The following SAP130 variants were observed in gnomAD, a reference collection of about 807,000 sequenced individuals.
SAP130 encodes the protein Sin3A associated protein 130, also known as histone deacetylase complex subunit SAP130.
In SAP130, 16 loss-of-function variants were observed where a neutral mutation model predicts 103.2. That is an observed-to-expected ratio of 0.16 (90% confidence interval 0.10 to 0.24). SAP130 has a LOEUF of 0.24. Ranked by LOEUF, SAP130 falls within the 10% of genes least tolerant of loss-of-function variation. The pLI, the probability that SAP130 is intolerant of heterozygous loss-of-function variation, is 1.00. For missense variants in SAP130, 990 were observed against 1,359.7 expected (o/e 0.73, Z 4.28); for synonymous variants, 477 against 497.0 (o/e 0.96, Z 0.53).
rs2461435 is a variant in SAP130 at position 127,953,819 on chromosome 2, G to C, written c.2422+1167C>G. Among the ~76,000 whole-genome samples, 1 of 152,060 alleles carries C rather than the reference G, an allele frequency of 6.6e-6. No individual in the cohort carries two copies. The highest frequency in any genetic ancestry group is 6.5e-5 in the Admixed American group (1 of 15,268). On this transcript the variant is annotated intron_variant, in intron 16 of 20. Transcript: ENST00000643581. The surrounding 1 kb of genome is among the most constrained non-coding windows in gnomAD (Gnocchi z 4.0). ...TACACACATTCCAGCCCTGGCTACA[G>C]CTTTCCTTATATTTTGTCCCTGCTT...
chr2:127,987,048 T>C, intron 13 of SAP130, 86 bp from the exon 14 acceptor site: 1 of 1,145,456 alleles, frequency 8.7e-7, no homozygotes, highest in Non-Finnish European at 1.3e-6. Context: ...ATGAGACCAC[T>C]AGAATTAGGT....
chr2:128,027,176 G>C (rs1216580910), intron 1 of SAP130: 2 of 1,252,998 alleles, frequency 1.6e-6, no homozygotes, highest in East Asian at 6.3e-5. Context: ...CGGCGGCGGC[G>C]ATGTGCTCGG....
chr2:127,998,135 C>A (rs1401139262), intron 10 of SAP130, among the ~76,000 whole-genome samples: 1 of 151,096 alleles, frequency 6.6e-6, no homozygotes, highest in Non-Finnish European at 1.5e-5. Flanking sequence ...AAAAACCATA[C>A]ATTCTCAATA....
chr2:127,999,721 G>A lies in SAP130; in HGVS notation c.1213+20C>T, dbSNP rs773366668. 45 of 1,443,580 alleles carry A rather than the reference G, an allele frequency of 3.1e-5. No individual in the cohort carries two copies. The African/African-American group carries it at 5.0e-4, about 16-fold the overall frequency. 89.4% of individuals were successfully genotyped at this position (1,443,580 alleles called of 1,614,324 possible). A position where few individuals can be genotyped will look rare whatever the true frequency, so the allele number is the denominator to read the frequency against. ...CAGCACTCCTGGTAAGCTTCTGTCC[G>A]AAGGCAGCAGGCCACTTACCGACTG... is the stretch of plus-strand genomic sequence containing the variant. On this transcript the variant is annotated intron_variant, in intron 10 of 20. Transcript: ENST00000643581.
intron 2 of SAP130, among the ~76,000 whole-genome samples, chr2:128,024,085 A>G (rs1043179030): frequency 2.0e-5 from 3 of 152,204 alleles, no homozygotes; most frequent in Admixed American, 6.5e-5. Flanking sequence ...GAATTTTTTA[A>G]TCATTTATTT....
intron 2 of SAP130, among the ~76,000 whole-genome samples, chr2:128,025,049 T>TAGAC (rs915622620): frequency 4.2e-5 from 6 of 142,086 alleles, no homozygotes; most frequent in Admixed American, 2.8e-4. Flanking sequence ...GAGCAATGAG[T>TAGAC]AGACAGTGGT....
chr2:128,002,199 G>C (rs1174202858), intron 7 of SAP130, among the ~76,000 whole-genome samples: 1 of 152,206 alleles, frequency 6.6e-6, no homozygotes, highest in Non-Finnish European at 1.5e-5. Flanking sequence ...TTATAGGCAT[G>C]AGCCAATGTG....
At chr2:127,992,532 GCCTCA>G (rs1303826251) in intron 12 of SAP130, among the ~76,000 whole-genome samples, 1 of 150,434 alleles carries the variant, frequency 6.6e-6, no homozygotes, top group East Asian at 2.0e-4. Context: ...TGCCTGCCCT[GCCTCA>G]GCCTCCCAAA....
At chr2:128,008,201 AC>A (rs1328871749) in intron 7 of SAP130, among the ~76,000 whole-genome samples, 1 of 152,050 alleles carries the variant, frequency 6.6e-6, no homozygotes, top group Admixed American at 6.5e-5. Context: ...CCTCAACATA[AC>A]CAATGGCAAG....
intron 12 of SAP130, 138 bp from the exon 13 acceptor site, chr2:127,990,004 A>C: frequency 1.3e-6 from 1 of 772,084 alleles, no homozygotes; most frequent in Non-Finnish European, 2.0e-6. Context: ...TAAATAAATA[A>C]ACATTGTTAC....
intron 3 of SAP130, among the ~76,000 whole-genome samples, chr2:128,017,383 TA>T (rs150344928): frequency 4.1e-5 from 6 of 147,776 alleles, no homozygotes; most frequent in Admixed American, 6.8e-5. Context: ...CTGACTGGCT[TA>T]AAAAAAAAAG....
At position 128,010,319 on chromosome 2, in the gene SAP130, C is replaced by G; in HGVS notation, c.819G>C (p.Gln273His). The G allele has an allele frequency of 6.2e-7, 1 of 1,614,128 alleles. No individual in the cohort carries two copies. Among genetic ancestry groups the G allele is most frequent in the Non-Finnish European group, 8.5e-7 (1 of 1,180,014 alleles). Residue 273 changes from glutamine to histidine, a missense_variant, in exon 7 of 21, where the codon CAG becomes CAC. By Grantham distance (24) the Gln-to-His change is conservative. Transcript: ENST00000643581. ...VVATVSATRA[Q>H]SPVITTTAAH... ...CCGCTGTCGTAGTGATGACTGGAGA[C>G]TGAGCTCTGGTGGCTGAGACAGTTG...
At chr2:128,013,789 A>G (rs930849088) in intron 5 of SAP130, among the ~76,000 whole-genome samples, 2 of 152,226 alleles carry the variant, frequency 1.3e-5, no homozygotes, top group Non-Finnish European at 2.9e-5. Context: ...AATCTTAGCC[A>G]TGTGGTGGCT....
chr2:128,015,714 G>A (rs1414508858), intron 4 of SAP130, among the ~76,000 whole-genome samples: 1 of 152,042 alleles, frequency 6.6e-6, no homozygotes, highest in Non-Finnish European at 1.5e-5. Flanking sequence ...GGCCGAGGCG[G>A]GCAGATCATT....
rs900460003 is a variant in SAP130 at position 127,996,202 on chromosome 2, G to T, written c.1355+148C>A. The T allele has an allele frequency of 3.2e-6, 2 of 631,078 alleles. No homozygotes were observed. Among genetic ancestry groups the T allele is most frequent in the Non-Finnish European group, 4.6e-6 (2 of 432,564 alleles). The allele number at this position is 631,078 out of a possible 1,614,324, so 39.1% of individuals were successfully genotyped here. On this transcript the variant is annotated intron_variant, in intron 11 of 20. Coordinates refer to ENST00000643581, the MANE Select transcript of SAP130 (RefSeq NM_001330301.2). The surrounding 1 kb of genome is among the most constrained non-coding windows in gnomAD (Gnocchi z 4.3). The stretch of plus-strand genomic sequence containing the variant: ...TGAAAAAAATCGCACATAAAAAAAG[G>T]AATTATACGAAGTGTTACTTTCAGG...
At chr2:127,997,610 T>C (rs1401567307) in intron 10 of SAP130, among the ~76,000 whole-genome samples, 3 of 152,142 alleles carry the variant, frequency 2.0e-5, no homozygotes, top group Non-Finnish European at 4.4e-5. Flanking sequence ...GTTGGCATGA[T>C]AGGGTTTTCC....
chr2:127,956,696 G>A (rs1679863612), intron 15 of SAP130, among the ~76,000 whole-genome samples: 2 of 79,654 alleles, frequency 2.5e-5, no homozygotes, highest in Admixed American at 4.0e-4. Flanking sequence ...AGAACTTAAA[G>A]TATAATAAAA....
chr2:127,990,585 G>A (rs1682720556), intron 12 of SAP130, among the ~76,000 whole-genome samples: 1 of 152,036 alleles, frequency 6.6e-6, no homozygotes, highest in Non-Finnish European at 1.5e-5. Context: ...TTTTAGACCG[G>A]CACTGTTCAA....
At position 128,019,722 on chromosome 2, in the gene SAP130, C is replaced by T. The variant is rs371267751; in HGVS notation, c.113-1807G>A. On this transcript the variant is annotated intron_variant, in intron 2 of 20. Transcript: ENST00000643581. ...CCAACATGGTGAAACCCTGTCTCTACTAAAAATACAAAAAAATAGCCAGGT... is the reference window on the plus strand; with the variant it reads ...CCAACATGGTGAAACCCTGTCTCTATTAAAAATACAAAAAAATAGCCAGGT... 2.0e-5 allele frequency among the ~76,000 whole-genome samples: 3 copies of T among 152,162 alleles called. No homozygotes were observed. The East Asian group carries it at 5.8e-4, about 30-fold the overall frequency.
Sources: allele counts gnomAD v4.1 joint callset (sites outside exome capture counted in the v4.1 genomes callset), GRCh38; gene constraint gnomAD v4.1.1; non-coding constraint Gnocchi (gnomAD v3.1); transcripts MANE v1.5; gene names NCBI Gene and HGNC (gene_info 2026-07-23, HGNC 2026-07-21).